The following GPC5 variants were observed in gnomAD, a reference collection of about 807,000 sequenced individuals.
GPC5 encodes the protein glypican 5.
GPC5 carries 47 observed loss-of-function variants against 53.9 expected under a neutral mutation model. The ratio of observed to expected loss-of-function variants is 0.87; its 90% CI spans 0.69 to 1.11. The LOEUF is 1.11. GPC5 is among the 50% of genes most tolerant of loss of function. GPC5 has a pLI of 0.00. For missense variants in GPC5, 748 were observed against 713.1 expected, an observed-to-expected ratio of 1.05 and a Z score of -0.56; for synonymous variants, 286 against 263.3, an observed-to-expected ratio of 1.09 and a Z score of -0.84.
chr13:91,531,095 C>G (rs1467098414), intron 2 of GPC5, among the ~76,000 whole-genome samples: 2 of 152,136 alleles, frequency 1.3e-5, no homozygotes, highest in Non-Finnish European at 2.9e-5. Flanking sequence ...ACTATTGGCT[C>G]CAGCTCTGAA....
intron 7 of GPC5, among the ~76,000 whole-genome samples, chr13:92,835,950 T>G (rs1350565926): frequency 6.6e-6 from 1 of 152,024 alleles, no homozygotes; most frequent in East Asian, 1.9e-4. Context: ...TGAACATTTT[T>G]GTCATATATA....
intron 7 of GPC5, among the ~76,000 whole-genome samples, chr13:92,233,629 A>AT (rs891349993): frequency 6.6e-6 from 1 of 152,020 alleles, no homozygotes; most frequent in East Asian, 1.9e-4. Context: ...ATGTTTGTTA[A>AT]TTTTTTTTAT....
chr13:91,667,758 A>G (rs1347288757), intron 2 of GPC5, among the ~76,000 whole-genome samples: 1 of 152,156 alleles, frequency 6.6e-6, no homozygotes, highest in Non-Finnish European at 1.5e-5. Context: ...TGCAGATAGT[A>G]GGGCACATGC....
At chr13:92,388,833 T>C (rs1022192204) in intron 7 of GPC5, among the ~76,000 whole-genome samples, 3 of 152,160 alleles carry the variant, frequency 2.0e-5, no homozygotes, top group South Asian at 2.1e-4. Flanking sequence ...CAGTCTTTCA[T>C]ATTAGCCAGG....
In GPC5 at chr13:92,350,679, G is replaced by C. The variant is rs9523639; in HGVS notation, c.1561+205690G>C. Among the ~76,000 whole-genome samples the C allele has an allele frequency of 3.9e-5, 6 of 151,910 alleles. No homozygotes were observed. In the East Asian group the frequency reaches 1.2e-3, roughly 29 times the overall value. ...TTGAAAATTGCTAAGAGTCAATTTCGAAAGTTCTCACCACACAATTGATGT... is the reference window on the plus strand; with the variant it reads ...TTGAAAATTGCTAAGAGTCAATTTCCAAAGTTCTCACCACACAATTGATGT... On this transcript the variant is annotated intron_variant, in intron 7 of 7. Transcript: ENST00000377067.
chr13:92,418,153 C>T (rs1950506239), intron 7 of GPC5, among the ~76,000 whole-genome samples: 1 of 151,808 alleles, frequency 6.6e-6, no homozygotes, highest in South Asian at 2.1e-4. Context: ...GAATGGATGG[C>T]TGGGATGTGG....
chr13:92,039,324 A>T (rs1383703002), intron 6 of GPC5, among the ~76,000 whole-genome samples: 1 of 152,246 alleles, frequency 6.6e-6, no homozygotes, highest in South Asian at 2.1e-4. Context: ...TTATCAGTAG[A>T]GAGTGGAAAA....
chr13:92,412,405 G>C (rs564143887), intron 7 of GPC5, among the ~76,000 whole-genome samples: 1 of 152,226 alleles, frequency 6.6e-6, no homozygotes, highest in Non-Finnish European at 1.5e-5. Context: ...TAACAATTCA[G>C]TAAATGATAT....
At chr13:92,621,311 A>G (rs1173335565) in intron 7 of GPC5, among the ~76,000 whole-genome samples, 2 of 152,114 alleles carry the variant, frequency 1.3e-5, no homozygotes, top group Admixed American at 1.3e-4. Context: ...CTCAGCCCCC[A>G]TATCTGGCAA....
chr13:92,417,240 A>G (rs935734003), intron 7 of GPC5, among the ~76,000 whole-genome samples: 6 of 152,370 alleles, frequency 3.9e-5, no homozygotes, highest in Non-Finnish European at 5.9e-5. Flanking sequence ...GATGACCAAT[A>G]AACACATGAA....
chr13:92,292,586 A>G (rs911565807), intron 7 of GPC5, among the ~76,000 whole-genome samples: 2 of 151,942 alleles, frequency 1.3e-5, no homozygotes, highest in Non-Finnish European at 2.9e-5. Flanking sequence ...TGTCAGATGT[A>G]TAGATTGTGA....
chr13:91,408,860 G>A (rs1157607322), intron 1 of GPC5, among the ~76,000 whole-genome samples: 1 of 151,970 alleles, frequency 6.6e-6, no homozygotes, highest in African/African-American at 2.4e-5. Flanking sequence ...TATTTTGTTA[G>A]TCTTTTGCTT....
intron 2 of GPC5, among the ~76,000 whole-genome samples, chr13:91,483,046 G>A (rs1883391915): frequency 2.0e-5 from 3 of 152,012 alleles, no homozygotes; most frequent in African/African-American, 7.2e-5. Context: ...CTAAATTGGA[G>A]CACAGTTTCC....
intron 7 of GPC5, among the ~76,000 whole-genome samples, chr13:92,507,325 A>G (rs546465033): frequency 7.9e-5 from 12 of 152,238 alleles, no homozygotes; most frequent in Non-Finnish European, 1.5e-4. Context: ...CTTGCCAGCA[A>G]TAGCTATAGA....
intron 6 of GPC5, among the ~76,000 whole-genome samples, chr13:92,111,338 G>A (rs1390493769): frequency 1.3e-5 from 2 of 152,084 alleles, no homozygotes; most frequent in African/African-American, 4.8e-5. Context: ...CCCATGCCAA[G>A]TAGAATTTGG....
intron 6 of GPC5, among the ~76,000 whole-genome samples, chr13:91,990,609 TC>T (rs2138733713): frequency 6.6e-6 from 1 of 152,360 alleles, no homozygotes; most frequent in South Asian, 2.1e-4. Context: ...TATTTTTGTA[TC>T]TTATTTTATA....
chr13:91,489,204 G>A (rs547154474), intron 2 of GPC5, among the ~76,000 whole-genome samples: 1 of 152,280 alleles, frequency 6.6e-6, no homozygotes, highest in South Asian at 2.1e-4. Context: ...TGTGAAGCAT[G>A]TGATCTCTGT....
chr13:91,928,802 C>A (rs568986858), intron 6 of GPC5, among the ~76,000 whole-genome samples: 1 of 152,014 alleles, frequency 6.6e-6, no homozygotes, highest in South Asian at 2.1e-4. Flanking sequence ...AAATAGTAAA[C>A]CTAAGGTAGA....
chr13:91,664,028 T>A (rs1221874682), intron 2 of GPC5, among the ~76,000 whole-genome samples: 1 of 151,966 alleles, frequency 6.6e-6, no homozygotes, highest in Non-Finnish European at 1.5e-5. Context: ...TTTTGTGCAC[T>A]TACTCTGAAC....
Sources: allele counts gnomAD v4.1 joint callset (sites outside exome capture counted in the v4.1 genomes callset), GRCh38; gene constraint gnomAD v4.1.1; transcripts MANE v1.5; gene names NCBI Gene and HGNC (gene_info 2026-07-23, HGNC 2026-07-21).